Variants in CLYBL observed in about 807,000 individuals in gnomAD.
The protein encoded by CLYBL is citramalyl-CoA lyase.
In CLYBL, 31 loss-of-function variants were observed where a neutral mutation model predicts 38.9. The ratio of observed to expected loss-of-function variants is 0.80; its 90% CI spans 0.60 to 1.08. The LOEUF is 1.08. Ranked by LOEUF, CLYBL falls within the 50% of genes least tolerant of loss-of-function variation. CLYBL has a pLI of 0.00. For missense variants in CLYBL, 434 were observed against 411.6 expected (o/e 1.05, Z -0.47); for synonymous variants, 171 against 158.6 (o/e 1.08, Z -0.59).
intron 2 of CLYBL, among the ~76,000 whole-genome samples, chr13:99,808,061 G>C (rs540928598): frequency 2.1e-3 from 317 of 152,044 alleles, no homozygotes; most frequent in Admixed American, 4.5e-3. Context: ...GGATCCTCTT[G>C]GTTTTTGTTT....
chr13:99,832,740 T>G (rs78163614), intron 2 of CLYBL, among the ~76,000 whole-genome samples: 247 of 151,818 alleles, frequency 1.6e-3, no homozygotes, highest in African/African-American at 5.7e-3. Context: ...TATTATCCAT[T>G]GGTGTCACAG....
At chr13:99,764,388 G>T (rs1416630715) in intron 1 of CLYBL, among the ~76,000 whole-genome samples, 3 of 152,026 alleles carry the variant, frequency 2.0e-5, no homozygotes, top group African/African-American at 7.2e-5. Flanking sequence ...TTCTTTCATG[G>T]GAGACTTTAT....
chr13:99,902,720 T>C (rs1312999580), intron 8 of CLYBL, among the ~76,000 whole-genome samples: 1 of 152,264 alleles, frequency 6.6e-6, no homozygotes, highest in Non-Finnish European at 1.5e-5. Context: ...AGAAATGTTA[T>C]CCATTCCCAC....
intron 1 of CLYBL, among the ~76,000 whole-genome samples, chr13:99,659,058 A>G (rs1463606429): frequency 1.3e-5 from 2 of 152,196 alleles, no homozygotes; most frequent in Non-Finnish European, 2.9e-5. Flanking sequence ...GTCTAACTTT[A>G]TATCACATCT....
intron 1 of CLYBL, among the ~76,000 whole-genome samples, chr13:99,672,913 A>G (rs1204830705): frequency 1.3e-5 from 2 of 152,298 alleles, no homozygotes; most frequent in South Asian, 2.1e-4. Flanking sequence ...GGAAGGGCGC[A>G]TGGGATCTTC....
intron 1 of CLYBL, among the ~76,000 whole-genome samples, chr13:99,723,974 A>C (rs534139208): frequency 3.3e-5 from 5 of 152,206 alleles, no homozygotes; most frequent in African/African-American, 1.2e-4. Flanking sequence ...TGTCCTCACC[A>C]TTGTCTGAGC....
intron 1 of CLYBL, chr13:99,727,489 T>G (rs1449624404): frequency 1.3e-5 from 2 of 151,132 alleles, no homozygotes; most frequent in Non-Finnish European, 3.0e-5. Flanking sequence ...GGGTGCTTCA[T>G]CTGCTGCAAC....
At chr13:99,906,329 T>G (rs1279959810) in intron 9 of CLYBL, among the ~76,000 whole-genome samples, 1 of 152,230 alleles carries the variant, frequency 6.6e-6, no homozygotes, top group Admixed American at 6.5e-5. Context: ...AAGATTTCAT[T>G]TTATTGTTGT....
intron 1 of CLYBL, among the ~76,000 whole-genome samples, chr13:99,613,884 AATG>A (rs2046667388): frequency 6.6e-6 from 1 of 152,180 alleles, no homozygotes; most frequent in South Asian, 2.1e-4. Context: ...TGTAAACAAA[AATG>A]ATATTTTGGA....
intron 2 of CLYBL, among the ~76,000 whole-genome samples, chr13:99,846,730 C>A (rs2051214901): frequency 6.6e-6 from 1 of 152,196 alleles, no homozygotes; most frequent in African/African-American, 2.4e-5. Flanking sequence ...TGTCATTAGA[C>A]ATTTATACTT....
At chr13:99,646,057 C>T (rs1489815468) in intron 1 of CLYBL, among the ~76,000 whole-genome samples, 2 of 152,110 alleles carry the variant, frequency 1.3e-5, no homozygotes, top group Non-Finnish European at 2.9e-5. Context: ...CACCCTGGGA[C>T]ACTGTGGGGT....
intron 2 of CLYBL, among the ~76,000 whole-genome samples, chr13:99,786,659 A>G (rs1566326839): frequency 6.6e-6 from 1 of 152,240 alleles, no homozygotes; most frequent in African/African-American, 2.4e-5. Flanking sequence ...TAGTGCCACA[A>G]TAAACATACG....
intron 2 of CLYBL, among the ~76,000 whole-genome samples, chr13:99,795,905 T>C (rs944880166): frequency 6.6e-6 from 1 of 152,170 alleles, no homozygotes; most frequent in Admixed American, 6.5e-5. Flanking sequence ...AGGGGAAGGC[T>C]GATAACCTGG....
chr13:99,757,993 C>G (rs1312447185), intron 1 of CLYBL, among the ~76,000 whole-genome samples: 1 of 152,198 alleles, frequency 6.6e-6, no homozygotes, highest in Non-Finnish European at 1.5e-5. Flanking sequence ...GGCTCCAAAT[C>G]CTGCATTTCT....
At chr13:99,729,360 G>C (rs1236130563) in intron 1 of CLYBL, among the ~76,000 whole-genome samples, 1 of 152,166 alleles carries the variant, frequency 6.6e-6, no homozygotes. Context: ...TCCTTTGTCA[G>C]TCATCTGCTT....
intron 1 of CLYBL, among the ~76,000 whole-genome samples, chr13:99,646,265 C>A (rs552295100): frequency 6.6e-6 from 1 of 152,036 alleles, no homozygotes; most frequent in Non-Finnish European, 1.5e-5. Flanking sequence ...AAGCAGTCAT[C>A]GCACTCCTTT....
intron 1 of CLYBL, among the ~76,000 whole-genome samples, chr13:99,687,206 T>A (rs1314134540): frequency 6.6e-6 from 1 of 152,214 alleles, no homozygotes. Context: ...GCTCAGAAAT[T>A]GCAAGATGAG....
At chr13:99,825,054 G>A (rs2050668763) in intron 2 of CLYBL, among the ~76,000 whole-genome samples, 1 of 152,180 alleles carries the variant, frequency 6.6e-6, no homozygotes. Flanking sequence ...CTGTGGGTAT[G>A]CCACCTTCAA....
rs947140274 is a variant in CLYBL at position 99,800,906 on chromosome 13, A to C, written c.249+27896A>C. Among the ~76,000 whole-genome samples the C allele has an allele frequency of 5.5e-4, 73 of 131,874 alleles. 1 individual carries two copies. In the East Asian group the frequency reaches 0.015, roughly 27 times the overall value. The allele number at this position is 131,874 out of a possible 152,430, so 86.5% of individuals were successfully genotyped here. On this transcript the variant is annotated intron_variant, in intron 2 of 8. Coordinates refer to ENST00000339105, the MANE Select transcript of CLYBL (RefSeq NM_206808.5). ...AAAACAACAACAACAAAAAAAAAAA[A>C]CAAAAAAAAAAAAACGTAATTGGGT...
Sources: gnomAD v4.1 joint callset for allele counts (sites outside exome capture counted in the v4.1 genomes callset) on GRCh38, gnomAD v4.1.1 for gene constraint, MANE v1.5 for transcripts, NCBI Gene and HGNC (gene_info 2026-07-23, HGNC 2026-07-21) for gene names.